Variants in GOLGA3 observed in about 807,000 individuals in gnomAD.
GOLGA3 encodes golgin A3.
GOLGA3 carries 75 observed loss-of-function variants against 169.4 expected under a neutral mutation model. The ratio of observed to expected loss-of-function variants is 0.44; its 90% CI spans 0.37 to 0.54. GOLGA3 has a LOEUF of 0.54. GOLGA3 is among the 20% of genes least tolerant of loss of function. GOLGA3 has a pLI of 0.00. For missense variants in GOLGA3, 1,899 were observed against 1,930.0 expected (o/e 0.98, Z 0.30); for synonymous variants, 824 against 822.4 (o/e 1.00, Z -0.03).
At chr12:132,829,049 G>A (rs1390337719), upstream of GOLGA3, among the ~76,000 whole-genome samples, 2 of 152,266 alleles carry the variant, frequency 1.3e-5, no homozygotes, top group African/African-American at 4.8e-5. Flanking sequence ...CCTTCAGAAA[G>A]TGACCTTAAG....
chr12:132,802,242 G>C (rs1949161807), intron 7 of GOLGA3, among the ~76,000 whole-genome samples: 1 of 152,278 alleles, frequency 6.6e-6, no homozygotes, highest in Non-Finnish European at 1.5e-5. Flanking sequence ...CCTCTGTTCA[G>C]TGTTTCCATT....
chr12:132,811,791 A>C, intron 4 of GOLGA3: 1 of 888,448 alleles, frequency 1.1e-6, no homozygotes, highest in Non-Finnish European at 1.3e-6. Flanking sequence ...CATAACCTTA[A>C]AGGTATAAGA....
chr12:132,813,191 CCT>C (rs1190400606), intron 4 of GOLGA3, 114 bp downstream of exon 4: 2 of 695,770 alleles, frequency 2.9e-6, no homozygotes, highest in East Asian at 2.7e-5. Flanking sequence ...GCTTGTTGCC[CCT>C]GAGCCCATGG....
At chr12:132,776,034 C>T (rs973004297) in intron 21 of GOLGA3, among the ~76,000 whole-genome samples, 2 of 152,238 alleles carry the variant, frequency 1.3e-5, no homozygotes, top group Non-Finnish European at 2.9e-5. Flanking sequence ...GCTTTGCGAG[C>T]GCCCCACTGG....
chr12:132,807,989 G>A lies in GOLGA3; in HGVS notation c.1080C>T (p.Ser360=). ...CTGCGGCCTGGAGGACGTCCTTAAT[G>A]GAGGGGAACTGGCCCAGGGTATCCG... ...IPADTLGQFP[S]IKDVLQAAAA... is the part of the protein sequence containing the mutation. The change falls in exon 5 of 24, where the codon TCC becomes TCT. Residue 360 remains serine, a synonymous_variant. Coordinates refer to ENST00000450791, the MANE Select transcript of GOLGA3 (RefSeq NM_001389683.1). 2 of 1,613,344 alleles carry A rather than the reference G, an allele frequency of 1.2e-6. No homozygotes were observed. Among genetic ancestry groups the A allele is most frequent in the South Asian group, 1.1e-5 (1 of 91,046 alleles).
rs559553961 is a variant in GOLGA3, at chr12:132,809,801, C to G, written c.520-1252G>C. The stretch of plus-strand genomic sequence containing the variant: ...TATCTAAGATCTATATCTGGTGTAA[C>G]TATTCTTGTTTTATATTTTATTATA... On this transcript the variant is annotated intron_variant, in intron 4 of 23. Transcript: ENST00000450791. Among the ~76,000 whole-genome samples the G allele has an allele frequency of 5.3e-5, 8 of 152,266 alleles. No individual in the cohort carries two copies. The South Asian group carries it at 1.7e-3, about 32-fold the overall frequency.
rs373209703 is a variant in GOLGA3 at position 132,782,203 on chromosome 12, AC to A, written c.3465+92del. The A allele has an allele frequency of 8.7e-5, 103 of 1,188,674 alleles. No individual in the cohort carries two copies. In the East Asian group the frequency reaches 1.4e-3, roughly 16 times the overall value. The allele number at this position is 1,188,674 out of a possible 1,614,324, so 73.6% of individuals were successfully genotyped here. On this transcript the variant is annotated intron_variant, in intron 17 of 23. Transcript: ENST00000450791. ...CAGGCCGGGTGGGCTAGGAGTCAGC[AC>A]AGGTGACTGAATCTGGATGAGATTC... is the stretch of plus-strand genomic sequence containing the variant.
chr12:132,786,312 G>A (rs2136348638), intron 15 of GOLGA3, 27 bp downstream of exon 15: 10 of 1,493,498 alleles, frequency 6.7e-6, no homozygotes, highest in South Asian at 4.9e-5. Context: ...TGGTGACCCT[G>A]GCCGGGGATG....
chr12:132,787,889 C>T (rs1194401677), intron 13 of GOLGA3, among the ~76,000 whole-genome samples: 1 of 146,538 alleles, frequency 6.8e-6, no homozygotes, highest in African/African-American at 2.6e-5. Context: ...CCCCAGGACC[C>T]TTCCTGAGAC....
At chr12:132,818,416 C>A (rs554364792) in intron 2 of GOLGA3, among the ~76,000 whole-genome samples, 67 of 152,324 alleles carry the variant, frequency 4.4e-4, no homozygotes, top group South Asian at 2.7e-3. Context: ...CCCACCACCA[C>A]ACCTGGCTAA....
At position 132,804,418 on chromosome 12, in the gene GOLGA3, A is replaced by C. The variant is rs1752168414; in HGVS notation, c.1597+298T>G. Among the ~76,000 whole-genome samples, 1 of 152,218 alleles carries C rather than the reference A, an allele frequency of 6.6e-6. No homozygotes were observed. The highest frequency in any genetic ancestry group is 2.4e-5 in the African/African-American group (1 of 41,454). ...CAACTAAAACTTGTATTTCCTTTAG[A>C]AAAGCAGCCTCCTTATGTGTAAACT... On this transcript the variant is annotated intron_variant, in intron 7 of 23. Coordinates refer to ENST00000450791, the MANE Select transcript of GOLGA3 (RefSeq NM_001389683.1). This position sits in a 1 kb window ranked among gnomAD's most constrained non-coding sequence, Gnocchi z 4.1.
At chr12:132,818,079 ACACCTCCACGCTCTAAGGTGAACCCC>A (rs1950062178) in intron 2 of GOLGA3, among the ~76,000 whole-genome samples, 1 of 137,854 alleles carries the variant, frequency 7.3e-6, no homozygotes, top group South Asian at 2.4e-4. Context: ...CCCGCCCTCC[ACACCTCCACGCTCTAAGGTGAACCCC>A]CCCTCCACTC....
rs746301149 is a variant in GOLGA3, at chr12:132,801,984, G to A, written c.1598-15C>T. On this transcript the variant is annotated splice_polypyrimidine_tract_variant and intron_variant, in intron 7 of 23. Coordinates refer to ENST00000450791, the MANE Select transcript of GOLGA3 (RefSeq NM_001389683.1). ...CAGGTCGTGCACTGAAATGGGGCAAGCACAGCGGCTCAGGCCAGCGACGGC... is the reference window on the plus strand; with the variant it reads ...CAGGTCGTGCACTGAAATGGGGCAAACACAGCGGCTCAGGCCAGCGACGGC... 2 of 1,589,240 alleles carry A rather than the reference G, an allele frequency of 1.3e-6. No individual in the cohort carries two copies. Among genetic ancestry groups the A allele is most frequent in the Non-Finnish European group, 1.7e-6 (2 of 1,172,018 alleles).
chr12:132,817,016 T>G (rs948116021), intron 2 of GOLGA3, among the ~76,000 whole-genome samples: 17 of 152,030 alleles, frequency 1.1e-4, no homozygotes, highest in Admixed American at 3.9e-4. Context: ...CCACAGCCCC[T>G]CTGGTGTCCA....
At chr12:132,779,747 A>G (rs535517034) in intron 18 of GOLGA3, among the ~76,000 whole-genome samples, 34 of 139,288 alleles carry the variant, frequency 2.4e-4, no homozygotes, top group African/African-American at 8.7e-4. Flanking sequence ...ACGTGCGCAC[A>G]CACACCACAG....
chr12:132,783,947 C>A, intron 16 of GOLGA3: 1 of 1,440,406 alleles, frequency 6.9e-7, no homozygotes, highest in South Asian at 1.5e-5. Context: ...GTAACCATTC[C>A]ACCAAAGAGG....
chr12:132,816,666 A>C lies in GOLGA3; in HGVS notation c.280T>G (p.Ser94Ala). The C allele has an allele frequency of 6.2e-7, 1 of 1,614,098 alleles. No homozygotes were observed. The highest frequency in any genetic ancestry group is 8.5e-7 in the Non-Finnish European group (1 of 1,180,004). ...PTTSPVGPDA[S>A]PGVAGFHDNL... is the part of the protein sequence containing the mutation. ...TCATGGAAACCAGCCACACCTGGAG[A>C]GGCATCAGGGCCCACTGGGCTTGTG... The change falls in exon 3 of 24, where the codon TCT becomes GCT. Residue 94 changes from serine to alanine, a missense_variant. Transcript: ENST00000450791.
chr12:132,802,004 G>A (rs761961798), intron 7 of GOLGA3, 35 bp from the exon 8 acceptor site: 38 of 1,559,482 alleles, frequency 2.4e-5, no homozygotes, highest in African/African-American at 2.2e-4. Context: ...TCAGGCCAGC[G>A]ACGGCCAACG....
chr12:132,801,838 A>G lies in GOLGA3; in HGVS notation c.1729T>C (p.Trp577Arg). 1 of 1,608,820 alleles carries G rather than the reference A, an allele frequency of 6.2e-7. No individual in the cohort carries two copies. The part of the protein sequence containing the change: ...EISSLQSVRQ[W>R]YQQQLALAQE... ...GCCAGGGCGAGCTGCTGCTGGTACC[A>G]CTGCCGGACACTCTGCAGGGACGAG... Residue 577 changes from tryptophan to arginine, a missense_variant, in exon 8 of 24, where the codon TGG becomes CGG. By Grantham distance (101) the Trp-to-Arg change is moderately radical. Transcript: ENST00000450791.
Sources: allele counts gnomAD v4.1 joint callset (sites outside exome capture counted in the v4.1 genomes callset), GRCh38; gene constraint gnomAD v4.1.1; non-coding constraint Gnocchi (gnomAD v3.1); transcripts MANE v1.5; gene names NCBI Gene and HGNC (gene_info 2026-07-23, HGNC 2026-07-21).